TEK: variants seen among roughly 807,000 people sequenced by gnomAD.
TEK encodes the protein angiopoietin-1 receptor.
Under a neutral mutation model 131.8 loss-of-function variants are expected in TEK, and 43 were observed. That is an observed-to-expected ratio of 0.33 (90% CI 0.26 to 0.42). The LOEUF (loss-of-function observed/expected upper bound fraction) is 0.42. TEK is among the 10% of genes least tolerant of loss of function. The pLI, the probability that TEK is intolerant of heterozygous loss-of-function variation, is 1.00. For missense variants in TEK, 1,162 were observed against 1,384.4 expected (o/e 0.84, Z 2.55); for synonymous variants, 580 against 491.6 (o/e 1.18, Z -2.38).
intron 2 of TEK, among the ~76,000 whole-genome samples, chr9:27,161,522 G>A (rs923504896): frequency 1.3e-5 from 2 of 152,174 alleles, no homozygotes; most frequent in African/African-American, 4.8e-5. Flanking sequence ...GTAAATGGTG[G>A]GAATGGCATT....
At chr9:27,129,652 A>G (rs1042045906) in intron 1 of TEK, among the ~76,000 whole-genome samples, 1 of 152,216 alleles carries the variant, frequency 6.6e-6, no homozygotes, top group Non-Finnish European at 1.5e-5. Context: ...TTCACCCAAT[A>G]AAATATTTCC....
rs682632 is a variant in TEK, at chr9:27,183,465, A to T, written c.1037A>T (p.Gln346Leu). The T allele has an allele frequency of 5.6e-6, 9 of 1,613,618 alleles. No individual in the cohort carries two copies. The African/African-American group carries it at 6.7e-5, about 12-fold the overall frequency. ...QGLQCEREGI[Q>L]RMTPKIVDLP... ...TGCTGTTTTCTTCCTTCAGGCATAC[A>T]GAGGATGACCCCAAAGATAGTGGAT... The change falls in exon 8 of 23, where the codon CAG (glutamine) becomes CTG (leucine). Residue 346 changes from glutamine (Q) to leucine (L), a missense_variant. Transcript: ENST00000380036.
rs1821249328 is a variant in TEK, at chr9:27,109,572, T to C, written c.-19T>C. The C allele has an allele frequency of 6.2e-7, 1 of 1,614,142 alleles. No individual in the cohort carries two copies. Among genetic ancestry groups the C allele is most frequent in the Non-Finnish European group, 8.5e-7 (1 of 1,179,962 alleles). On this transcript the variant is annotated 5_prime_UTR_variant, in exon 1 of 23. It removes an upstream start codon present in the reference 5' UTR. Transcript: ENST00000380036. ...CTCATGCACATTTGTGGAAACTGGATGGAGAGATTTGGGGAAGCATGGACT... is the reference window on the plus strand; with the variant it reads ...CTCATGCACATTTGTGGAAACTGGACGGAGAGATTTGGGGAAGCATGGACT...
rs749958421 is a variant in TEK, at chr9:27,202,927, C to T, written c.2017C>T (p.Arg673Cys). The T allele has an allele frequency of 1.5e-5, 25 of 1,613,902 alleles. No individual in the cohort carries two copies. Among genetic ancestry groups the T allele is most frequent in the African/African-American group, 5.3e-5 (4 of 74,882 alleles). ...CTATTCTATTTCTTCTATTACTATCCGTTACAAGGTTCAAGGCAAGAATGA... is the reference window on the plus strand; with the variant it reads ...CTATTCTATTTCTTCTATTACTATCTGTTACAAGGTTCAAGGCAAGAATGA... ...DGYSISSITI[R>C]YKVQGKNEDQ... is the part of the protein sequence containing the mutation. The change falls in exon 13 of 23, where the codon CGT becomes TGT. Residue 673 changes from arginine to cysteine, a missense_variant. By Grantham distance (180) the Arg-to-Cys change is radical (BLOSUM62 -3). This residue lies in a region of TEK where 477 missense variants were observed against 471.0 expected (regional missense o/e 1.01). Coordinates refer to ENST00000380036, the MANE Select transcript of TEK (RefSeq NM_000459.5).
At chr9:27,197,187 C>A (rs960293626) in intron 11 of TEK, 128 bp from the exon 12 acceptor site, 55 of 973,846 alleles carry the variant, frequency 5.6e-5, no homozygotes, top group African/African-American at 8.1e-5. Flanking sequence ...ACTCATCAAC[C>A]AATCACCTCC....
At chr9:27,203,372 G>A (rs1262635217) in intron 13 of TEK, among the ~76,000 whole-genome samples, 2 of 152,150 alleles carry the variant, frequency 1.3e-5, no homozygotes, top group Non-Finnish European at 2.9e-5. Context: ...AAGCTCTGAG[G>A]AATATGAATT....
chr9:27,119,161 G>C (rs1371625803), intron 1 of TEK, among the ~76,000 whole-genome samples: 1 of 152,148 alleles, frequency 6.6e-6, no homozygotes, highest in Non-Finnish European at 1.5e-5. Flanking sequence ...AAATGATGGA[G>C]ACAAGAGTTA....
At chr9:27,223,723 C>CA (rs1327937226) in intron 21 of TEK, among the ~76,000 whole-genome samples, 1 of 152,084 alleles carries the variant, frequency 6.6e-6, no homozygotes, top group Non-Finnish European at 1.5e-5. Flanking sequence ...GAAGCAACAG[C>CA]AAACAAATGC....
At chr9:27,218,854 G>A (rs757783855) in intron 20 of TEK, 37 bp downstream of exon 20, 1 of 1,604,746 alleles carries the variant, frequency 6.2e-7, no homozygotes, top group South Asian at 1.1e-5. Context: ...TGAGACTCTA[G>A]GCAAAGTGAG....
intron 10 of TEK, among the ~76,000 whole-genome samples, chr9:27,191,270 C>A (rs573684143): frequency 8.6e-5 from 13 of 151,878 alleles, no homozygotes; most frequent in Non-Finnish European, 2.9e-5. Flanking sequence ...GCTACAGACC[C>A]CTCCCCTAAC....
At chr9:27,115,640 A>G (rs947959826) in intron 1 of TEK, among the ~76,000 whole-genome samples, 1 of 152,160 alleles carries the variant, frequency 6.6e-6, no homozygotes, top group Non-Finnish European at 1.5e-5. Context: ...CTTTGCAAGA[A>G]CTCCTAAATA....
chr9:27,219,187 T>C (rs1190327645), intron 20 of TEK, among the ~76,000 whole-genome samples: 1 of 152,140 alleles, frequency 6.6e-6, no homozygotes, highest in Non-Finnish European at 1.5e-5. Flanking sequence ...CTGATCCTAG[T>C]TTTATCAATA....
intron 1 of TEK, among the ~76,000 whole-genome samples, chr9:27,133,892 G>T (rs1479561292): frequency 6.6e-6 from 1 of 152,218 alleles, no homozygotes; most frequent in Non-Finnish European, 1.5e-5. Flanking sequence ...AACATAAGTT[G>T]CAGGATTTGC....
At chr9:27,168,683 AT>A in intron 3 of TEK, 78 bp downstream of exon 3, 1 of 1,134,858 alleles carries the variant, frequency 8.8e-7, no homozygotes, top group East Asian at 2.5e-5. Flanking sequence ...TCATTTTCCT[AT>A]TGTGGTCTTG....
At chr9:27,132,492 A>T (rs1418540009) in intron 1 of TEK, among the ~76,000 whole-genome samples, 1 of 152,198 alleles carries the variant, frequency 6.6e-6, no homozygotes, top group Non-Finnish European at 1.5e-5. Context: ...TTATTATGGA[A>T]AAAGATTCCA....
chr9:27,229,473 A>G lies in TEK; in HGVS notation c.*241A>G. The G allele has an allele frequency of 1.9e-6, 1 of 534,986 alleles. No homozygotes were observed. Among genetic ancestry groups the G allele is most frequent in the South Asian group, 2.3e-5 (1 of 43,374 alleles). The allele number at this position is 534,986 out of a possible 1,614,324, so 33.1% of individuals were successfully genotyped here. A position where few individuals can be genotyped will look rare whatever the true frequency, so the allele number is the denominator to read the frequency against. On this transcript the variant is annotated 3_prime_UTR_variant, in exon 23 of 23. Coordinates refer to ENST00000380036, the MANE Select transcript of TEK (RefSeq NM_000459.5). Reference sequence around the variant, plus strand: ...AATCAGAATGCCTGTTTGTGGTTTCATATGCAATAATATATTTTTTTAAAA... The same window carrying G: ...AATCAGAATGCCTGTTTGTGGTTTCGTATGCAATAATATATTTTTTTAAAA...
chr9:27,144,023 C>G (rs866313049), intron 1 of TEK, among the ~76,000 whole-genome samples: 1 of 152,208 alleles, frequency 6.6e-6, no homozygotes, highest in Admixed American at 6.5e-5. Context: ...GTGGCTTACG[C>G]CTGTAATCCC....
At chr9:27,127,421 TGC>T (rs1340307749) in intron 1 of TEK, among the ~76,000 whole-genome samples, 4 of 152,244 alleles carry the variant, frequency 2.6e-5, no homozygotes, top group African/African-American at 9.6e-5. Flanking sequence ...TCGTGAATAG[TGC>T]CACAATAAAC....
chr9:27,187,278 A>T (rs146511766), intron 9 of TEK, among the ~76,000 whole-genome samples: 2 of 152,334 alleles, frequency 1.3e-5, no homozygotes, highest in African/African-American at 2.4e-5. Flanking sequence ...GTAAATAGCC[A>T]TTAGGGAATT....
Sources: allele counts gnomAD v4.1 joint callset (sites outside exome capture counted in the v4.1 genomes callset), GRCh38; gene constraint gnomAD v4.1.1; regional missense constraint gnomAD v4.1.1; transcripts MANE v1.5; gene names NCBI Gene and HGNC (gene_info 2026-07-23, HGNC 2026-07-21).